Variants in MICAL2 observed in about 807,000 individuals in gnomAD.
MICAL2 encodes microtubule associated monooxygenase, calponin and LIM domain containing 2, also known as [F-actin]-monooxygenase MICAL2.
MICAL2 carries 77 observed loss-of-function variants against 127.3 expected under a neutral mutation model. The observed-to-expected ratio is 0.60, with a 90% CI of 0.50 to 0.73. MICAL2 has a LOEUF of 0.73. Among genes scored for constraint, MICAL2 ranks in the 30% least tolerant of loss-of-function variants. The pLI, the probability that MICAL2 is intolerant of heterozygous loss-of-function variation, is 0.00. For synonymous variants in MICAL2, 570 were observed against 551.1 expected, an observed-to-expected ratio of 1.03 and a Z score of -0.48; for missense variants, 1,351 against 1,434.4, an observed-to-expected ratio of 0.94 and a Z score of 0.94.
intron 15 of MICAL2, among the ~76,000 whole-genome samples, chr11:12,227,929 T>G (rs2134344924): frequency 6.6e-6 from 1 of 152,334 alleles, no homozygotes; most frequent in South Asian, 2.1e-4. Flanking sequence ...GGGACACAGT[T>G]TGGGCATCAC....
At chr11:12,220,098 C>G (rs1856642681) in intron 8 of MICAL2, 103 bp from the exon 9 acceptor site, 1 of 1,356,744 alleles carries the variant, frequency 7.4e-7, no homozygotes, top group Non-Finnish European at 1.0e-6. Flanking sequence ...TTCTGACTAG[C>G]CTCACTGTAG....
chr11:12,132,169 C>G (rs1012336242), intron 1 of MICAL2, among the ~76,000 whole-genome samples: 2 of 152,186 alleles, frequency 1.3e-5, no homozygotes, highest in African/African-American at 2.4e-5. Context: ...GTTTCCCATG[C>G]TTTTTAATGT....
chr11:12,264,001 C>T (rs1220849345), downstream of MICAL2, among the ~76,000 whole-genome samples: 1 of 152,114 alleles, frequency 6.6e-6, no homozygotes, highest in Non-Finnish European at 1.5e-5. Flanking sequence ...GCTTTGGGAT[C>T]TCTTTCTTGA....
rs1319356814 is a variant in MICAL2, at chr11:12,226,170, G to A, written c.1689-1G>A. Reference sequence around the variant, plus strand: ...TTCTCTGCTTTGTTTTGATTCTCTAGCAACTTTGACTCTTTGAATGAAGAT... The same window carrying A: ...TTCTCTGCTTTGTTTTGATTCTCTAACAACTTTGACTCTTTGAATGAAGAT... On this transcript the variant is annotated splice_acceptor_variant, in intron 13 of 27. Transcript: ENST00000683283. LOFTEE classifies it high-confidence loss of function. 6.2e-7 allele frequency: 1 copy of A among 1,614,182 alleles called. No individual in the cohort carries two copies.
chr11:12,131,015 CGGGCG>C (rs1851371535), intron 1 of MICAL2, among the ~76,000 whole-genome samples: 1 of 34,698 alleles, frequency 2.9e-5, no homozygotes, highest in Non-Finnish European at 1.0e-4. Flanking sequence ...CCAGTAGGGC[CGGGCG>C]CGGTGGCTCA....
At chr11:12,189,505 G>C (rs1858789347) in intron 3 of MICAL2, among the ~76,000 whole-genome samples, 1 of 152,170 alleles carries the variant, frequency 6.6e-6, no homozygotes, top group Admixed American at 6.5e-5. Flanking sequence ...ATTACAGGGA[G>C]CTAGGGTAGC....
chr11:12,207,991 G>T, intron 4 of MICAL2, 32 bp from the exon 5 acceptor site: 1 of 1,538,330 alleles, frequency 6.5e-7, no homozygotes, highest in Non-Finnish European at 9.0e-7. Context: ...AGGTATTGCT[G>T]TGACAGTTCC....
chr11:12,190,146 G>A (rs972494099), intron 3 of MICAL2, among the ~76,000 whole-genome samples: 9 of 152,146 alleles, frequency 5.9e-5, no homozygotes, highest in Non-Finnish European at 7.3e-5. Context: ...ACTACATTCC[G>A]CTGGTGAGTA....
chr11:12,110,600 C>T lies in MICAL2; in HGVS notation c.-275C>T, dbSNP rs1849515470. ...CGCAGAACCGCAGGCGCTCGGCTGG[C>T]TAAGCCTGCGCCGGGCCGCCTCGCT... On this transcript the variant is annotated 5_prime_UTR_variant, in exon 1 of 28. Coordinates refer to ENST00000683283, the MANE Select transcript of MICAL2 (RefSeq NM_001282663.2). This position sits in a 1 kb window ranked among gnomAD's most constrained non-coding sequence, Gnocchi z 4.5. The T allele has an allele frequency of 6.6e-6, 1 of 151,918 alleles. No homozygotes were observed. The highest frequency in any genetic ancestry group is 1.5e-5 in the Non-Finnish European group (1 of 67,986). 9.4% of individuals were successfully genotyped at this position (151,918 alleles called of 1,614,324 possible).
At chr11:12,346,882 T>A (rs905144512) in intron 32 of MICAL2, among the ~76,000 whole-genome samples, 2 of 152,154 alleles carry the variant, frequency 1.3e-5, no homozygotes, top group Non-Finnish European at 2.9e-5. Flanking sequence ...ATTAACACCT[T>A]ATTTCCCTCC....
chr11:12,231,557 C>T (rs901205450), intron 15 of MICAL2, among the ~76,000 whole-genome samples: 1 of 152,210 alleles, frequency 6.6e-6, no homozygotes, highest in Non-Finnish European at 1.5e-5. Flanking sequence ...TCTTGAGTGC[C>T]TATTTTATGT....
At chr11:12,277,106 A>T (rs558483676) in intron 1 of MICAL2, among the ~76,000 whole-genome samples, 2 of 151,990 alleles carry the variant, frequency 1.3e-5, no homozygotes, top group East Asian at 3.9e-4. Context: ...AGCCAGGTGC[A>T]GCTGGGCAGT....
Position 12,216,251 on chromosome 11 carries a change from G to A in MICAL2, c.880G>A (p.Asp294Asn). Residue 294 changes from aspartate (D) to asparagine (N), a missense_variant, in exon 8 of 28, where the codon GAC (aspartate) becomes AAC (asparagine). By Grantham distance (23) the Asp-to-Asn change is conservative. This residue lies in a region of MICAL2 where 599 missense variants were observed against 714.9 expected (regional missense o/e 0.84). Transcript: ENST00000683283. ...TCTTGAGAACATTGTTTACTACAAG[G>A]ACTGCACCCACTATTTTGTAATGAC... ...IDLENIVYYKDCTHYFVMTAK... is the reference protein window; with the variant it reads ...IDLENIVYYKNCTHYFVMTAK... The A allele has an allele frequency of 6.2e-7, 1 of 1,613,908 alleles. No individual in the cohort carries two copies. Among genetic ancestry groups the A allele is most frequent in the Non-Finnish European group, 8.5e-7 (1 of 1,179,816 alleles).
In MICAL2 at chr11:12,222,740, T is replaced by C. The variant is rs537018036; in HGVS notation, c.1446T>C (p.His482=). The change falls in exon 11 of 28, where the codon CAT becomes CAC. Residue 482 remains histidine, a synonymous_variant. Transcript: ENST00000683283. ...TCAACTCACACTGTGTCAGGCCCCA[T>C]CAGGCAAGTCCATTGCTGGGGCTCT... ...PNLNSHCVRP[H]QVKHLYITKE... 1.2e-5 allele frequency: 19 copies of C among 1,614,136 alleles called. 1 individual carries two copies. The highest frequency in any genetic ancestry group is 9.9e-5 in the South Asian group (9 of 91,060).
chr11:12,180,335 G>GTATATATATATATATATATATATATATA (rs1554968135), intron 3 of MICAL2, among the ~76,000 whole-genome samples: 1 of 126,386 alleles, frequency 7.9e-6, no homozygotes, highest in African/African-American at 3.4e-5. Context: ...TTATATACAT[G>GTATATATATATATATATATATATATATA]TATATATGTA....
chr11:12,280,282 G>A (rs1200758115), intron 1 of MICAL2, among the ~76,000 whole-genome samples: 1 of 152,150 alleles, frequency 6.6e-6, no homozygotes, highest in East Asian at 1.9e-4. Context: ...GAGACCTTAG[G>A]AGTCATGCTC....
At position 12,221,592 on chromosome 11, in the gene MICAL2, T is replaced by C. The variant is rs372661661; in HGVS notation, c.1207-52T>C. 10 of 1,298,370 alleles carry C rather than the reference T, an allele frequency of 7.7e-6. No individual in the cohort carries two copies. The African/African-American group carries it at 8.7e-5, about 11-fold the overall frequency. 80.4% of individuals were successfully genotyped at this position (1,298,370 alleles called of 1,614,324 possible). ...GTGTGTGCTGGGTCCAATGAGATCA[T>C]AGATCGGGAGTCATCAGAATCAACT... On this transcript the variant is annotated intron_variant, in intron 9 of 27. Transcript: ENST00000683283.
chr11:12,190,629 A>G (rs1178440842), intron 3 of MICAL2, among the ~76,000 whole-genome samples: 1 of 152,228 alleles, frequency 6.6e-6, no homozygotes, highest in Non-Finnish European at 1.5e-5. Flanking sequence ...CCATTTTTGT[A>G]AAGTGTAAAG....
At chr11:12,340,975 A>G (rs1405057058) in intron 32 of MICAL2, among the ~76,000 whole-genome samples, 1 of 152,176 alleles carries the variant, frequency 6.6e-6, no homozygotes, top group Non-Finnish European at 1.5e-5. Context: ...GCTTGTCAAG[A>G]CTGAATCAGG....
Sources: gnomAD v4.1 joint callset for allele counts (sites outside exome capture counted in the v4.1 genomes callset) on GRCh38, gnomAD v4.1.1 for gene constraint, gnomAD v4.1.1 regional missense constraint, Gnocchi (gnomAD v3.1) non-coding constraint, MANE v1.5 for transcripts, NCBI Gene and HGNC (gene_info 2026-07-23, HGNC 2026-07-21) for gene names.